ARHGAP42: variants seen among roughly 807,000 people sequenced by gnomAD.
The protein encoded by ARHGAP42 is rho GTPase-activating protein 42.
A neutral mutation model predicts 125.0 loss-of-function variants in ARHGAP42; 63 were observed. The ratio of observed to expected loss-of-function variants is 0.50; its 90% CI spans 0.41 to 0.62. The LOEUF is 0.62. Ranked by LOEUF, ARHGAP42 falls within the 20% of genes least tolerant of loss-of-function variation. ARHGAP42 has a pLI of 0.00. For missense variants in ARHGAP42, 766 were observed against 1,024.2 expected, an observed-to-expected ratio of 0.75 and a Z score of 3.44; for synonymous variants, 339 against 351.0, an observed-to-expected ratio of 0.97 and a Z score of 0.38.
chr11:100,706,360 G>T (rs1341036828), intron 1 of ARHGAP42, among the ~76,000 whole-genome samples: 3 of 152,316 alleles, frequency 2.0e-5, no homozygotes, highest in African/African-American at 7.2e-5. Context: ...GAGCTTACAG[G>T]AAGTTGTGTC....
chr11:100,885,478 T>C (rs992271882), intron 4 of ARHGAP42, among the ~76,000 whole-genome samples: 1 of 152,162 alleles, frequency 6.6e-6, no homozygotes, highest in African/African-American at 2.4e-5. Flanking sequence ...TTAAATCCCA[T>C]TTTTTTCCAC....
intron 1 of ARHGAP42, among the ~76,000 whole-genome samples, chr11:100,725,582 C>T (rs1404659482): frequency 6.6e-6 from 1 of 151,634 alleles, no homozygotes; most frequent in African/African-American, 2.4e-5. Context: ...CATTTGAGGC[C>T]AAGAGTTTGA....
chr11:100,804,226 G>A (rs116659446), intron 3 of ARHGAP42, among the ~76,000 whole-genome samples: 5,381 of 152,220 alleles, frequency 0.035, 95 homozygotes, highest in African/African-American at 0.069. Context: ...CTGACCTCAA[G>A]TAATGATTTC....
intron 22 of ARHGAP42, among the ~76,000 whole-genome samples, chr11:100,981,434 T>G (rs1858542116): frequency 6.6e-6 from 1 of 152,192 alleles, no homozygotes; most frequent in Non-Finnish European, 1.5e-5. Context: ...GCCTGTCTCA[T>G]TTTTGTTTTT....
intron 1 of ARHGAP42, among the ~76,000 whole-genome samples, chr11:100,721,604 C>G (rs1179331959): frequency 6.6e-6 from 1 of 151,840 alleles, no homozygotes; most frequent in African/African-American, 2.4e-5. Context: ...TCTTGAGTAG[C>G]TGGGATTACA....
chr11:100,745,333 T>G (rs1862276698), intron 1 of ARHGAP42, among the ~76,000 whole-genome samples: 1 of 152,188 alleles, frequency 6.6e-6, no homozygotes, highest in Non-Finnish European at 1.5e-5. Flanking sequence ...TTAGTTGTTC[T>G]GCTTGATTTC....
chr11:100,699,702 T>C lies in ARHGAP42; in HGVS notation c.154+11870T>C, dbSNP rs557351229. ...CACGCCCAGCAAATTTTTGTATTTT[T>C]AGTACATATGGGGTTTCACCATGTT... On this transcript the variant is annotated intron_variant, in intron 1 of 23. Coordinates refer to ENST00000298815, the MANE Select transcript of ARHGAP42 (RefSeq NM_152432.4). Among the ~76,000 whole-genome samples, 3 of 151,600 alleles carry C rather than the reference T, an allele frequency of 2.0e-5. No individual in the cohort carries two copies. In the South Asian group the frequency reaches 6.3e-4, roughly 32 times the overall value.
intron 6 of ARHGAP42, 123 bp downstream of exon 6, chr11:100,921,727 T>C: frequency 1.6e-6 from 1 of 625,130 alleles, no homozygotes; most frequent in East Asian, 3.2e-5. Flanking sequence ...AAAAGGGGAG[T>C]GGGAAGGGAT....
intron 1 of ARHGAP42, among the ~76,000 whole-genome samples, chr11:100,762,768 C>T (rs1250148185): frequency 6.6e-6 from 1 of 151,990 alleles, no homozygotes; most frequent in Non-Finnish European, 1.5e-5. Context: ...CAATCTGGCC[C>T]TCATAGTTCC....
intron 5 of ARHGAP42, among the ~76,000 whole-genome samples, chr11:100,916,874 C>A (rs77491555): frequency 0.039 from 5,924 of 151,904 alleles, 175 homozygotes; most frequent in East Asian, 0.1. Flanking sequence ...GTAGTTTGAT[C>A]AAAAATGGAG....
chr11:100,732,186 A>G (rs1861971222), intron 1 of ARHGAP42, among the ~76,000 whole-genome samples: 1 of 152,006 alleles, frequency 6.6e-6, no homozygotes, highest in South Asian at 2.1e-4. Context: ...CGAACTCCCG[A>G]CCTCAGGTGA....
intron 1 of ARHGAP42, among the ~76,000 whole-genome samples, chr11:100,723,480 C>T (rs1009873593): frequency 6.6e-6 from 1 of 152,010 alleles, no homozygotes; most frequent in Non-Finnish European, 1.5e-5. Flanking sequence ...TCATATAGAT[C>T]TTAGATATAT....
chr11:100,950,817 A>G (rs1422062068), intron 12 of ARHGAP42, among the ~76,000 whole-genome samples: 1 of 152,144 alleles, frequency 6.6e-6, no homozygotes, highest in Non-Finnish European at 1.5e-5. Context: ...ATTTTGTCTT[A>G]TGGCTTCTAA....
chr11:100,874,764 C>T (rs1250221171), intron 4 of ARHGAP42, among the ~76,000 whole-genome samples: 1 of 152,100 alleles, frequency 6.6e-6, no homozygotes, highest in East Asian at 1.9e-4. Context: ...AAATGTATTC[C>T]TTTCCTTCCC....
At chr11:100,946,315 G>T (rs890157579) in intron 10 of ARHGAP42, among the ~76,000 whole-genome samples, 5 of 152,022 alleles carry the variant, frequency 3.3e-5, no homozygotes, top group African/African-American at 1.2e-4. Flanking sequence ...TAGTAAGGTT[G>T]TTTTGATTCC....
chr11:100,815,543 A>G (rs1401941684), intron 3 of ARHGAP42, among the ~76,000 whole-genome samples: 1 of 152,204 alleles, frequency 6.6e-6, no homozygotes, highest in East Asian at 1.9e-4. Flanking sequence ...ATAGATGTGC[A>G]GATATGTTTC....
intron 4 of ARHGAP42, among the ~76,000 whole-genome samples, chr11:100,900,896 C>T (rs950512707): frequency 1.3e-5 from 2 of 152,154 alleles, no homozygotes; most frequent in African/African-American, 2.4e-5. Flanking sequence ...TCTGTCAACT[C>T]GTCAAAATCA....
At chr11:100,726,408 C>T (rs1861862381) in intron 1 of ARHGAP42, among the ~76,000 whole-genome samples, 1 of 152,026 alleles carries the variant, frequency 6.6e-6, no homozygotes, top group Admixed American at 6.5e-5. Context: ...TAGTAAGTAC[C>T]CATTAAATGG....
intron 4 of ARHGAP42, among the ~76,000 whole-genome samples, chr11:100,868,593 C>A (rs1445253975): frequency 6.6e-6 from 1 of 152,132 alleles, no homozygotes; most frequent in Non-Finnish European, 1.5e-5. Flanking sequence ...ACATACAGTT[C>A]TTTAATAGCA....
Sources: gnomAD v4.1 joint callset for allele counts (sites outside exome capture counted in the v4.1 genomes callset) on GRCh38, gnomAD v4.1.1 for gene constraint, MANE v1.5 for transcripts, NCBI Gene and HGNC (gene_info 2026-07-23, HGNC 2026-07-21) for gene names.